RAPGEF2: variants seen among roughly 807,000 people sequenced by gnomAD.
RAPGEF2 encodes the protein Rap guanine nucleotide exchange factor 2.
In RAPGEF2, 54 loss-of-function variants were observed where a neutral mutation model predicts 186.7. The ratio of observed to expected loss-of-function variants is 0.29; its 90% CI spans 0.23 to 0.36. The LOEUF (loss-of-function observed/expected upper bound fraction) is 0.36. Among genes scored for constraint, RAPGEF2 ranks in the 10% least tolerant of loss-of-function variants. RAPGEF2 has a pLI of 1.00. For synonymous variants in RAPGEF2, 712 were observed against 705.9 expected, an observed-to-expected ratio of 1.01 and a Z score of -0.14; for missense variants, 1,532 against 2,045.0, an observed-to-expected ratio of 0.75 and a Z score of 4.84.
At chr4:159,331,204 C>T (rs1422340140) in intron 13 of RAPGEF2, among the ~76,000 whole-genome samples, 2 of 152,166 alleles carry the variant, frequency 1.3e-5, no homozygotes, top group East Asian at 1.9e-4. Flanking sequence ...TAAATACCTT[C>T]ACAGACTCAG....
In RAPGEF2 at chr4:159,332,015, T is replaced by C; in HGVS notation, c.1869T>C (p.Thr623=). The change falls in exon 16 of 30, where the codon ACT becomes ACC. Residue 623 remains threonine, a synonymous_variant. Coordinates refer to ENST00000691494, the MANE Select transcript of RAPGEF2 (RefSeq NM_001394067.2). ...ILRNNTHLSI[T]VKTNLFVFKE... The stretch of plus-strand genomic sequence containing the variant: ...GAAATAACACACATTTATCTATCAC[T>C]GTGAAAACCAATTTATTTGGTAAGT... The C allele has an allele frequency of 1.3e-6, 2 of 1,591,326 alleles. No homozygotes were observed. The highest frequency in any genetic ancestry group is 1.7e-6 in the Non-Finnish European group (2 of 1,168,466).
intron 2 of RAPGEF2, among the ~76,000 whole-genome samples, chr4:159,188,180 G>A (rs961112587): frequency 3.3e-5 from 5 of 152,096 alleles, no homozygotes; most frequent in Non-Finnish European, 5.9e-5. Flanking sequence ...TTAATTGCGT[G>A]CGGTTAATTC....
At chr4:159,108,209 C>G (rs1014031148) in intron 1 of RAPGEF2, among the ~76,000 whole-genome samples, 2 of 152,026 alleles carry the variant, frequency 1.3e-5, no homozygotes, top group Non-Finnish European at 2.9e-5. Flanking sequence ...TTGATAGAAC[C>G]TTAGTCGCCT....
intron 7 of RAPGEF2, among the ~76,000 whole-genome samples, chr4:159,294,527 G>A (rs1038643834): frequency 2.6e-5 from 4 of 152,154 alleles, no homozygotes; most frequent in Non-Finnish European, 5.9e-5. Flanking sequence ...TAGTATTACA[G>A]TCTAAATGGT....
intron 7 of RAPGEF2, among the ~76,000 whole-genome samples, chr4:159,264,030 G>A (rs116506677): frequency 0.015 from 2,235 of 152,164 alleles, 23 homozygotes; most frequent in Middle Eastern, 0.027. Context: ...TTAAGGAATG[G>A]GGTAAATATA....
intron 7 of RAPGEF2, among the ~76,000 whole-genome samples, chr4:159,291,742 T>A (rs910848704): frequency 4.6e-5 from 7 of 152,020 alleles, no homozygotes; most frequent in African/African-American, 9.7e-5. Flanking sequence ...CAGTTTTGAG[T>A]CACTATCCAT....
In RAPGEF2 at chr4:159,241,290, A is replaced by G. The variant is rs2111476354; in HGVS notation, c.447A>G (p.Lys149=). ...GGAGATTTAGAAAAATCAACCAGAA[A>G]GGTGAAAGACAAACAATTATTGACA... ...SRRRFRKINQ[K]GERQTIIDTV... is the part of the protein sequence containing the mutation. The change falls in exon 6 of 30, where the codon AAA becomes AAG. Residue 149 remains lysine, a synonymous_variant. Transcript: ENST00000691494. 1.3e-6 allele frequency: 2 copies of G among 1,534,028 alleles called. No homozygotes were observed. Among genetic ancestry groups the G allele is most frequent in the Non-Finnish European group, 1.7e-6 (2 of 1,145,612 alleles).
At chr4:159,254,381 T>G (rs2111525845) in intron 7 of RAPGEF2, among the ~76,000 whole-genome samples, 1 of 152,314 alleles carries the variant, frequency 6.6e-6, no homozygotes, top group Non-Finnish European at 1.5e-5. Flanking sequence ...TATGAACTCT[T>G]AAGAGTCTTG....
chr4:159,157,073 C>A (rs1365189599), intron 1 of RAPGEF2, among the ~76,000 whole-genome samples: 1 of 152,118 alleles, frequency 6.6e-6, no homozygotes, highest in Admixed American at 6.6e-5. Flanking sequence ...GTTCATTGGC[C>A]TTTCACTTTA....
intron 1 of RAPGEF2, among the ~76,000 whole-genome samples, chr4:159,171,307 G>A (rs911795248): frequency 6.6e-5 from 10 of 152,128 alleles, no homozygotes; most frequent in African/African-American, 1.7e-4. Flanking sequence ...ACATGCCAGT[G>A]TTCATAAAAG....
chr4:159,211,861 T>G (rs1579476654), intron 4 of RAPGEF2, among the ~76,000 whole-genome samples: 2 of 152,306 alleles, frequency 1.3e-5, no homozygotes, highest in Admixed American at 1.3e-4. Flanking sequence ...CTTGTTTCTG[T>G]AGTAGCAATA....
chr4:159,174,013 T>G (rs1438556990), intron 1 of RAPGEF2, among the ~76,000 whole-genome samples: 5 of 152,216 alleles, frequency 3.3e-5, no homozygotes, highest in African/African-American at 1.2e-4. Flanking sequence ...TACATTGTTC[T>G]GAAGGGGAAA....
At chr4:159,351,302 C>T in intron 26 of RAPGEF2, 2 of 895,474 alleles carry the variant, frequency 2.2e-6, no homozygotes, top group African/African-American at 1.8e-5. Context: ...TTTTCTGAAA[C>T]TTTTTTTTTT....
At chr4:159,140,801 G>C (rs1250000731) in intron 1 of RAPGEF2, among the ~76,000 whole-genome samples, 1 of 150,132 alleles carries the variant, frequency 6.7e-6, no homozygotes, top group East Asian at 1.9e-4. Flanking sequence ...GTTGAATCTT[G>C]GTAAGCCAAA....
chr4:159,355,715 C>T (rs1731879525), intron 28 of RAPGEF2, 138 bp from the exon 29 acceptor site: 9 of 789,736 alleles, frequency 1.1e-5, no homozygotes, highest in South Asian at 1.9e-5. Context: ...TGCCTCACAC[C>T]GCACCTCTAA....
intron 7 of RAPGEF2, among the ~76,000 whole-genome samples, chr4:159,267,571 T>C (rs1029884888): frequency 6.6e-6 from 1 of 151,858 alleles, no homozygotes; most frequent in Non-Finnish European, 1.5e-5. Context: ...TAGGGAGGAG[T>C]TCCCGATTCA....
chr4:159,337,884 C>A (rs1308753596), intron 17 of RAPGEF2, among the ~76,000 whole-genome samples: 2 of 43,054 alleles, frequency 4.6e-5, no homozygotes, highest in Non-Finnish European at 1.2e-4. Flanking sequence ...AGTGAGACTC[C>A]ATCTCAAAAA....
At chr4:159,351,225 C>G (rs1415236060) in intron 26 of RAPGEF2, 38 of 1,506,080 alleles carry the variant, frequency 2.5e-5, no homozygotes, top group Non-Finnish European at 3.3e-5. Context: ...AGAGAGGAAT[C>G]ATCTCATTAG....
At chr4:159,156,097 T>C (rs1037429225) in intron 1 of RAPGEF2, among the ~76,000 whole-genome samples, 2 of 152,206 alleles carry the variant, frequency 1.3e-5, no homozygotes, top group Non-Finnish European at 2.9e-5. Context: ...GCTTAGCAGA[T>C]TCCAGTGCTT....
Sources: gnomAD v4.1 joint callset for allele counts (sites outside exome capture counted in the v4.1 genomes callset) on GRCh38, gnomAD v4.1.1 for gene constraint, MANE v1.5 for transcripts, NCBI Gene and HGNC (gene_info 2026-07-23, HGNC 2026-07-21) for gene names.